The following HMCN2 variants were observed in gnomAD, a reference collection of about 807,000 sequenced individuals.
The protein encoded by HMCN2 is hemicentin 2.
In HMCN2, 325 loss-of-function variants were observed where a neutral mutation model predicts 377.5. The observed-to-expected ratio is 0.86, with a 90% CI of 0.79 to 0.94. The LOEUF (loss-of-function observed/expected upper bound fraction) is 0.94, where lower values mean the gene tolerates loss of function less well. Among genes scored for constraint, HMCN2 ranks in the 40% least tolerant of loss-of-function variants. The probability of loss-of-function intolerance (pLI) is 0.00; values close to 1 mark genes in which losing one functional copy is unlikely to be tolerated. For synonymous variants in HMCN2, 2,007 were observed against 2,046.8 expected (o/e 0.98, Z 0.53); for missense variants, 4,543 against 4,725.3 (o/e 0.96, Z 1.13).
rs979022795 is a variant in HMCN2 at position 130,349,637 on chromosome 9, C to G, written c.4404C>G (p.Pro1468=). The G allele has an allele frequency of 1.5e-6, 2 of 1,303,880 alleles. No homozygotes were observed. Among genetic ancestry groups the G allele is most frequent in the African/African-American group, 3.0e-5 (2 of 65,858 alleles). 80.8% of individuals were successfully genotyped at this position (1,303,880 alleles called of 1,614,324 possible). Residue 1468 remains proline (P), a synonymous_variant, in exon 29 of 98, where the codon CCC becomes CCG. Coordinates refer to ENST00000683500, the MANE Select transcript of HMCN2 (RefSeq NM_001291815.2). ...GTTGGACCTCAGGGGTCCCCACGCC[C>G]CAGGTGGAGTGGACCAAGGACAGGC... ...LQCWTSGVPT[P]QVEWTKDRQP...
chr9:130,373,706 T>TGG (rs1453292187), intron 48 of HMCN2, among the ~76,000 whole-genome samples: 1,916 of 49,666 alleles, frequency 0.039, 156 homozygotes, highest in African/African-American at 0.069. Context: ...GATGGATAGG[T>TGG]AGATGGATGG....
chr9:130,271,149 C>G (rs1834385619), intron 1 of HMCN2, among the ~76,000 whole-genome samples: 2 of 148,826 alleles, frequency 1.3e-5, no homozygotes, highest in Admixed American at 1.3e-4. Flanking sequence ...CACACGCTAT[C>G]ACGGTGATGG....
rs1842461525 is a variant in HMCN2, at chr9:130,393,910, A to C, written c.10403A>C (p.Gln3468Pro). The change falls in exon 68 of 98, where the codon CAG becomes CCG. Residue 3468 changes from glutamine to proline, a missense_variant. Around this residue, in one of 5 missense-constraint regions of HMCN2, gnomAD observed 1,073 missense variants for 1,319.5 expected, o/e 0.81. Coordinates refer to ENST00000683500, the MANE Select transcript of HMCN2 (RefSeq NM_001291815.2). This position sits in a 1 kb window ranked among gnomAD's most constrained non-coding sequence, Gnocchi z 5.2. The stretch of plus-strand genomic sequence containing the variant: ...AGCCTCGAGCAGGGGCCCAGCCTGC[A>C]GCTGGAGGCAGTGGGAGCTGGTGAC... ...SQSLEQGPSL[Q>P]LEAVGAGDSG... The C allele has an allele frequency of 7.8e-7, 1 of 1,289,212 alleles. No individual in the cohort carries two copies. Among genetic ancestry groups the C allele is most frequent in the Admixed American group, 2.3e-5 (1 of 43,454 alleles). 79.9% of individuals were successfully genotyped at this position (1,289,212 alleles called of 1,614,324 possible).
intron 24 of HMCN2, among the ~76,000 whole-genome samples, chr9:130,342,075 C>T (rs1250123038): frequency 7.2e-6 from 1 of 139,038 alleles, no homozygotes; most frequent in African/African-American, 2.6e-5. Context: ...GCTTGGAAAG[C>T]CACTGCTGAG....
intron 1 of HMCN2, among the ~76,000 whole-genome samples, chr9:130,279,898 A>T (rs1007351918): frequency 6.6e-6 from 1 of 152,204 alleles, no homozygotes; most frequent in Admixed American, 6.5e-5. Context: ...TGAGCCCTTT[A>T]TAATCACAAG....
intron 7 of HMCN2, 60 bp from the exon 8 acceptor site, chr9:130,298,965 A>G: frequency 2.4e-6 from 1 of 424,020 alleles, no homozygotes. Flanking sequence ...CCCCTACTTG[A>G]GGGGGATCAC....
Position 130,432,411 on chromosome 9 carries a change from A to G in HMCN2, c.14768-18A>G. 1 of 1,550,470 alleles carries G rather than the reference A, an allele frequency of 6.4e-7. No homozygotes were observed. Among genetic ancestry groups the G allele is most frequent in the Non-Finnish European group, 8.7e-7 (1 of 1,146,882 alleles). ...TCTTTTCATCTCCCTCCCCCGCTTCACCAACTTCCCCATCCAGACATCAAC... is the reference window on the plus strand; with the variant it reads ...TCTTTTCATCTCCCTCCCCCGCTTCGCCAACTTCCCCATCCAGACATCAAC... On this transcript the variant is annotated intron_variant, in intron 96 of 97. Transcript: ENST00000683500.
In HMCN2 at chr9:130,406,116, G is replaced by A. The variant is rs866413263; in HGVS notation, c.12501G>A (p.Arg4167=). The change falls in exon 82 of 98, where the codon CGG becomes CGA. Residue 4167 remains arginine (R), a synonymous_variant. Transcript: ENST00000683500. ...GGCTGTGGCTTCGCTGTGCAGCCCGGGGCAGCCCCACCCCTCGCATTGGCT... is the reference window on the plus strand; with the variant it reads ...GGCTGTGGCTTCGCTGTGCAGCCCGAGGCAGCCCCACCCCTCGCATTGGCT... ...GDRLWLRCAA[R]GSPTPRIGWT... is the part of the protein sequence containing the mutation. 2 of 1,289,850 alleles carry A rather than the reference G, an allele frequency of 1.6e-6. No homozygotes were observed. The highest frequency in any genetic ancestry group is 2.0e-6 in the Non-Finnish European group (2 of 988,884). 79.9% of individuals were successfully genotyped at this position (1,289,850 alleles called of 1,614,324 possible).
rs1841275760 is a variant in HMCN2, at chr9:130,374,619, G to C, written c.7556G>C (p.Ser2519Thr). ...LLQVLQANLS[S>T]AGHYSCIAAN... is the part of the protein sequence containing the mutation. ...CAGGTCCTCCAGGCAAACCTGTCCA[G>C]TGCTGGCCACTACTCCTGCATTGCA... The change falls in exon 49 of 98, where the codon AGT becomes ACT. Residue 2519 changes from serine to threonine, a missense_variant. By Grantham distance (58) the Ser-to-Thr change is moderately conservative. Transcript: ENST00000683500. The C allele has an allele frequency of 1.0e-6, 1 of 985,668 alleles. No homozygotes were observed. The allele number at this position is 985,668 out of a possible 1,614,324, so 61.1% of individuals were successfully genotyped here.
chr9:130,276,581 C>T (rs767284777), intron 1 of HMCN2, among the ~76,000 whole-genome samples: 32 of 152,116 alleles, frequency 2.1e-4, no homozygotes, highest in Non-Finnish European at 3.7e-4. Flanking sequence ...GAGGAGGCCC[C>T]GAGGAGAGTT....
At chr9:130,348,890 T>A (rs1222368165) in intron 27 of HMCN2, 94 bp from the exon 28 acceptor site, 1 of 1,229,582 alleles carries the variant, frequency 8.1e-7, no homozygotes, top group Non-Finnish European at 1.1e-6. Flanking sequence ...TTCTGGCCAC[T>A]GGCCACCTCT....
At chr9:130,334,385 C>G (rs1838593226) in intron 22 of HMCN2, among the ~76,000 whole-genome samples, 1 of 152,064 alleles carries the variant, frequency 6.6e-6, no homozygotes, top group East Asian at 1.9e-4. Context: ...CTGGGCAGGT[C>G]CTGGATCCTT....
chr9:130,323,931 A>G (rs1837983744), intron 19 of HMCN2, among the ~76,000 whole-genome samples: 1 of 151,986 alleles, frequency 6.6e-6, no homozygotes. Flanking sequence ...CAAACTCCTG[A>G]CCTCAGGTGA....
intron 46 of HMCN2, 81 bp downstream of exon 46, chr9:130,371,212 C>A: frequency 1.2e-6 from 1 of 809,194 alleles, no homozygotes; most frequent in Non-Finnish European, 1.5e-6. Flanking sequence ...TGCCCATGAC[C>A]TCTGACTCTG....
chr9:130,363,820 C>CA (rs35226924), intron 40 of HMCN2, among the ~76,000 whole-genome samples: 94,534 of 117,870 alleles, frequency 0.8, 37,973 homozygotes, highest in East Asian at 0.93. Context: ...CAGACTCTGT[C>CA]AAAAAAAAAA....
chr9:130,277,608 G>A (rs1834763504), intron 1 of HMCN2, among the ~76,000 whole-genome samples: 1 of 152,148 alleles, frequency 6.6e-6, no homozygotes, highest in Non-Finnish European at 1.5e-5. Flanking sequence ...GCTTTTATGA[G>A]CAAATGCACG....
At chr9:130,329,632 G>C (rs916461607) in intron 22 of HMCN2, among the ~76,000 whole-genome samples, 1 of 152,000 alleles carries the variant, frequency 6.6e-6, no homozygotes, top group African/African-American at 2.4e-5. Context: ...TAGTAGAGAC[G>C]GGGTTTCACC....
At chr9:130,430,138 G>T (rs1179666173) in intron 94 of HMCN2, 146 bp from the exon 95 acceptor site, 1 of 694,038 alleles carries the variant, frequency 1.4e-6, no homozygotes, top group Non-Finnish European at 2.4e-6. Flanking sequence ...TCCGGGAGAG[G>T]GGGATGCAGC....
intron 83 of HMCN2, among the ~76,000 whole-genome samples, chr9:130,408,143 G>A (rs570723595): frequency 1.3e-5 from 2 of 152,270 alleles, no homozygotes; most frequent in African/African-American, 4.8e-5. Flanking sequence ...GTGACAACGT[G>A]TCTTAGTTTG....
Sources: gnomAD v4.1 joint callset for allele counts (sites outside exome capture counted in the v4.1 genomes callset) on GRCh38, gnomAD v4.1.1 for gene constraint, gnomAD v4.1.1 regional missense constraint, Gnocchi (gnomAD v3.1) non-coding constraint, MANE v1.5 for transcripts, NCBI Gene and HGNC (gene_info 2026-07-23, HGNC 2026-07-21) for gene names.